MAPK8IP3: variants seen among roughly 807,000 people sequenced by gnomAD.
MAPK8IP3 encodes mitogen-activated protein kinase 8 interacting protein 3.
Under a neutral mutation model 157.8 loss-of-function variants are expected in MAPK8IP3, and 49 were observed. That is an observed-to-expected ratio of 0.31 (90% confidence interval 0.25 to 0.39). The LOEUF (loss-of-function observed/expected upper bound fraction) is 0.39. Among genes scored for constraint, MAPK8IP3 ranks in the 10% least tolerant of loss-of-function variants. The probability of loss-of-function intolerance (pLI) is 1.00; values close to 1 mark genes in which losing one functional copy is unlikely to be tolerated. For synonymous variants in MAPK8IP3, 897 were observed against 777.7 expected (o/e 1.15, Z -2.55); for missense variants, 1,478 against 1,889.4 (o/e 0.78, Z 4.04).
At chr16:1,736,569 ACCGTCCGTGT>A (rs2039866090) in intron 4 of MAPK8IP3, among the ~76,000 whole-genome samples, 1 of 66,392 alleles carries the variant, frequency 1.5e-5, no homozygotes, top group Non-Finnish European at 2.8e-5. Flanking sequence ...TCCGTGTGTG[ACCGTCCGTGT>A]GAGCGTGTGA....
At chr16:1,763,606 T>C in intron 16 of MAPK8IP3, 51 bp from the exon 17 acceptor site, 3 of 1,459,788 alleles carry the variant, frequency 2.1e-6, no homozygotes, top group Non-Finnish European at 2.7e-6. Context: ...TGGGGCACTG[T>C]GGGGGCCGCT....
intron 1 of MAPK8IP3, among the ~76,000 whole-genome samples, chr16:1,714,898 G>C (rs34950492): frequency 0.11 from 17,153 of 152,112 alleles, 1,338 homozygotes; most frequent in African/African-American, 0.23. Context: ...GAATGCACCA[G>C]AGAATAAAAG....
At chr16:1,755,998 T>C (rs2041576829) in intron 8 of MAPK8IP3, among the ~76,000 whole-genome samples, 1 of 152,120 alleles carries the variant, frequency 6.6e-6, no homozygotes, top group Admixed American at 6.6e-5. Flanking sequence ...CAATCGAGGC[T>C]GACTAGGGTG....
chr16:1,760,074 G>T, intron 11 of MAPK8IP3, 59 bp downstream of exon 11: 1 of 1,591,818 alleles, frequency 6.3e-7, no homozygotes. Context: ...TCAGGGCTGG[G>T]AGAGTGAGCC....
At position 1,741,074 on chromosome 16, in the gene MAPK8IP3, G is replaced by A. The variant is rs2040646326; in HGVS notation, c.603-2258G>A. Reference sequence around the variant, plus strand: ...CTGACTCGGGGGGCGACGGGCCAAGGAAGGGCCCCTCTCTGCATCAGTCGG... The same window carrying A: ...CTGACTCGGGGGGCGACGGGCCAAGAAAGGGCCCCTCTCTGCATCAGTCGG... On this transcript the variant is annotated intron_variant, in intron 4 of 31. Transcript: ENST00000610761. This position sits in a 1 kb window ranked among gnomAD's most constrained non-coding sequence, Gnocchi z 6.9. Among the ~76,000 whole-genome samples, 1 of 152,024 alleles carries A rather than the reference G, an allele frequency of 6.6e-6. No individual in the cohort carries two copies. Among genetic ancestry groups the A allele is most frequent in the Non-Finnish European group, 1.5e-5 (1 of 67,972 alleles).
intron 8 of MAPK8IP3, among the ~76,000 whole-genome samples, chr16:1,754,428 C>A (rs988442685): frequency 6.6e-6 from 1 of 152,144 alleles, no homozygotes; most frequent in South Asian, 2.1e-4. Flanking sequence ...TCTGCATGGA[C>A]GAGGCAGCCC....
chr16:1,763,995 C>T (rs966911325), intron 17 of MAPK8IP3, 120 bp from the exon 18 acceptor site: 1 of 1,128,402 alleles, frequency 8.9e-7, no homozygotes, highest in African/African-American at 1.6e-5. Flanking sequence ...ACGCCCCCAC[C>T]TGCCTCCAGT....
In MAPK8IP3 at chr16:1,763,666, G is replaced by A. The variant is rs915456011; in HGVS notation, c.1908G>A (p.Thr636=). ...TCATTCTTCCACTCAGCGACTGCAC[G>A]TCCTCCGCCCGTCGAGAGCAGAAGC... ...PLEFFPDDDC[T]SSARREQKRE... Residue 636 remains threonine, a synonymous_variant, in exon 17 of 32, where the codon ACG becomes ACA. Coordinates refer to ENST00000610761, the MANE Select transcript of MAPK8IP3 (RefSeq NM_001318852.2). 2 of 1,573,436 alleles carry A rather than the reference G, an allele frequency of 1.3e-6. No individual in the cohort carries two copies. The highest frequency in any genetic ancestry group is 2.7e-5 in the African/African-American group (2 of 73,858).
rs536861180 is a variant in MAPK8IP3, at chr16:1,757,253, C to T, written c.1217-895C>T. Among the ~76,000 whole-genome samples, 18 of 152,142 alleles carry T rather than the reference C, an allele frequency of 1.2e-4. 1 individual carries two copies. The South Asian group carries it at 2.9e-3, about 25-fold the overall frequency. ...CCGAGTAGCTGGGACTACAGGTGCC[C>T]GCTACCAGGTCTGGCTGATTTTTTG... On this transcript the variant is annotated intron_variant, in intron 8 of 31. Transcript: ENST00000610761.
chr16:1,726,800 G>A (rs537899297), intron 2 of MAPK8IP3, among the ~76,000 whole-genome samples: 29 of 152,376 alleles, frequency 1.9e-4, no homozygotes, highest in Admixed American at 1.9e-3. Flanking sequence ...CCCAGCGGGA[G>A]CTCACAGAGA....
At chr16:1,715,735 T>TC in intron 1 of MAPK8IP3, among the ~76,000 whole-genome samples, 1 of 151,992 alleles carries the variant, frequency 6.6e-6, no homozygotes, top group South Asian at 2.1e-4. Context: ...GGTTTGGATT[T>TC]TTTTTTTTTT....
At chr16:1,761,103 G>A (rs945801488) in intron 12 of MAPK8IP3, 121 bp from the exon 13 acceptor site, 1 of 772,798 alleles carries the variant, frequency 1.3e-6, no homozygotes, top group Non-Finnish European at 2.3e-6. Context: ...GGTCCCTGTG[G>A]GGAGAGCCCC....
At chr16:1,718,086 C>G (rs1390671428) in intron 1 of MAPK8IP3, among the ~76,000 whole-genome samples, 1 of 152,110 alleles carries the variant, frequency 6.6e-6, no homozygotes, top group Non-Finnish European at 1.5e-5. Context: ...ATCTCCTGAC[C>G]TCAAGGTTCG....
At chr16:1,744,539 G>A (rs2040852777) in intron 5 of MAPK8IP3, 2 of 985,420 alleles carry the variant, frequency 2.0e-6, no homozygotes, top group South Asian at 4.7e-5. Flanking sequence ...GCGGGGCTGC[G>A]GGCTCCCCGG....
At chr16:1,760,887 ACCATG>A (rs2041894730) in intron 12 of MAPK8IP3, among the ~76,000 whole-genome samples, 1 of 152,110 alleles carries the variant, frequency 6.6e-6, no homozygotes, top group Non-Finnish European at 1.5e-5. Context: ...GCGCTCCGAG[ACCATG>A]CCTCTGCCTA....
intron 1 of MAPK8IP3, chr16:1,714,352 G>T (rs1427714802): frequency 6.6e-6 from 1 of 152,224 alleles, no homozygotes; most frequent in African/African-American, 2.4e-5. Flanking sequence ...GTGCGTCTTT[G>T]CGGAGACCCT....
At chr16:1,739,201 T>G (rs2040406974) in intron 4 of MAPK8IP3, among the ~76,000 whole-genome samples, 1 of 129,992 alleles carries the variant, frequency 7.7e-6, no homozygotes. Flanking sequence ...TGACCGTCCG[T>G]GTGAGCGTCC....
At chr16:1,721,144 C>T (rs914521956) in intron 1 of MAPK8IP3, among the ~76,000 whole-genome samples, 1 of 151,284 alleles carries the variant, frequency 6.6e-6, no homozygotes, top group African/African-American at 2.4e-5. Flanking sequence ...TTGAGACCAG[C>T]GTGACCAACA....
At chr16:1,748,936 C>A (rs1233314288) in intron 8 of MAPK8IP3, 4 of 700,920 alleles carry the variant, frequency 5.7e-6, no homozygotes, top group African/African-American at 1.7e-5. Context: ...AAATCTGAGG[C>A]TTCTCAAGTC....
Sources: allele counts gnomAD v4.1 joint callset (sites outside exome capture counted in the v4.1 genomes callset), GRCh38; gene constraint gnomAD v4.1.1; non-coding constraint Gnocchi (gnomAD v3.1); transcripts MANE v1.5; gene names NCBI Gene and HGNC (gene_info 2026-07-23, HGNC 2026-07-21).